NEB: variants seen among roughly 807,000 people sequenced by gnomAD.
The protein encoded by NEB is nemaline myopathy type 2.
NEB carries 512 observed loss-of-function variants against 952.2 expected under a neutral mutation model. The observed-to-expected ratio is 0.54, with a 90% CI of 0.50 to 0.58. NEB has a LOEUF of 0.58. NEB is among the 20% of genes least tolerant of loss of function. The pLI, the probability that NEB is intolerant of heterozygous loss-of-function variation, is 0.00. For synonymous variants in NEB, 2,900 were observed against 3,149.8 expected, an observed-to-expected ratio of 0.92 and a Z score of 2.66; for missense variants, 8,428 against 9,231.1, an observed-to-expected ratio of 0.91 and a Z score of 3.56.
At position 151,553,517 on chromosome 2, in the gene NEB, T is replaced by A. The variant is rs771936194; in HGVS notation, c.19627-15A>T. ...TTGTATACAATCTAGAGGGTTTTGA[T>A]AGAAAGGATCAGAAAAAAAAAATTG... On this transcript the variant is annotated splice_polypyrimidine_tract_variant and intron_variant, in intron 126 of 181. Transcript: ENST00000397345. 1 of 1,569,796 alleles carries A rather than the reference T, an allele frequency of 6.4e-7. No individual in the cohort carries two copies. The highest frequency in any genetic ancestry group is 8.7e-7 in the Non-Finnish European group (1 of 1,146,346).
chr2:151,665,150 ATCTGAGGGG>A (rs2099197967), intron 42 of NEB, among the ~76,000 whole-genome samples, 174 bp downstream of exon 42: 1 of 152,116 alleles, frequency 6.6e-6, no homozygotes, highest in Non-Finnish European at 1.5e-5. Context: ...TTGAGAGATG[ATCTGAGGGG>A]TCACTATGAA....
chr2:151,550,266 CAAAAAAAAAAA>C (rs57057802), intron 129 of NEB, among the ~76,000 whole-genome samples: 1 of 73,368 alleles, frequency 1.4e-5, no homozygotes, highest in Non-Finnish European at 2.5e-5. Context: ...ACCCTGTCTC[CAAAAAAAAAAA>C]AAAAAAAAAA....
intron 12 of NEB, among the ~76,000 whole-genome samples, chr2:151,707,720 A>C (rs1037624458): frequency 6.6e-6 from 1 of 152,188 alleles, no homozygotes; most frequent in African/African-American, 2.4e-5. Context: ...CATGATCCCC[A>C]GTGTAAGCCC....
At chr2:151,578,652 A>G (rs2096972585) in intron 105 of NEB, among the ~76,000 whole-genome samples, 1 of 150,034 alleles carries the variant, frequency 6.7e-6, no homozygotes, top group South Asian at 2.1e-4. Context: ...GGAGGGAAGG[A>G]GGGAAAGAGA....
At chr2:151,619,344 T>C in intron 73 of NEB, 107 bp downstream of exon 73, 1 of 1,204,262 alleles carries the variant, frequency 8.3e-7, no homozygotes, top group East Asian at 2.4e-5. Flanking sequence ...TAATTGTAAA[T>C]TGTTTGAAAT....
rs1576338070 is a variant in NEB at position 151,527,592 on chromosome 2, T to A, written c.21736-7A>T. The A allele has an allele frequency of 1.2e-6, 2 of 1,604,228 alleles. No homozygotes were observed. Reference sequence around the variant, plus strand: ...ACTGTTTCTTATAGTCCAGCTGTTTTTAACAGGAGAGAAAGGAATCACTTG... The same window carrying A: ...ACTGTTTCTTATAGTCCAGCTGTTTATAACAGGAGAGAAAGGAATCACTTG... On this transcript the variant is annotated splice_polypyrimidine_tract_variant and splice_region_variant and intron_variant, in intron 146 of 181. Transcript: ENST00000397345.
rs1482989886 is a variant in NEB, at chr2:151,513,659, T to G, written c.23162A>C (p.Lys7721Thr). The change falls in exon 160 of 182, where the codon AAA becomes ACA. Residue 7721 changes from lysine (K) to threonine (T), a missense_variant. By Grantham distance (78) the Lys-to-Thr change is moderately conservative (BLOSUM62 -1). Around this residue, in one of 11 missense-constraint regions of NEB, gnomAD observed 3,374 missense variants for 3,651.5 expected, o/e 0.92. Coordinates refer to ENST00000397345, the MANE Select transcript of NEB (RefSeq NM_001164508.2). ...EYKRDLELEV[K>T]GRGLNAMANE... ...GGCCATGGCATTCAGGCCTCTTCCT[T>G]TGACTTCCAGTTCCAGGTCTCGCTT... The G allele has an allele frequency of 1.2e-6, 2 of 1,608,590 alleles. No individual in the cohort carries two copies. The highest frequency in any genetic ancestry group is 2.7e-5 in the African/African-American group (2 of 75,042).
rs147856812 is a variant in NEB, at chr2:151,726,280, T to C, written c.295-720A>G. 3.2e-3 allele frequency among the ~76,000 whole-genome samples: 490 copies of C among 152,232 alleles called. 3 individuals are homozygous for C. Among genetic ancestry groups the C allele is most frequent in the African/African-American group, 0.011 (449 of 41,524 alleles). ...ATTAATAAGAATGTATGGCAATATA[T>C]TGACAAAAAATTCTATCCTTGCTGA... On this transcript the variant is annotated intron_variant, in intron 5 of 181. Transcript: ENST00000397345.
At chr2:151,497,386 A>ATTAT (rs2060940974) in intron 171 of NEB, 8 of 980,062 alleles carry the variant, frequency 8.2e-6, no homozygotes, top group Admixed American at 6.2e-5. Context: ...TGAAAAACTC[A>ATTAT]TTATTTTAAA....
In NEB at chr2:151,630,707, G is replaced by A. The variant is rs369038670; in HGVS notation, c.9723+8C>T. On this transcript the variant is annotated splice_region_variant and intron_variant, in intron 67 of 181. Coordinates refer to ENST00000397345, the MANE Select transcript of NEB (RefSeq NM_001164508.2). ...CCACAATATAGCACCACAGATTTTTGCTCCTACCTCACTGTAGTTGATTTT... is the reference window on the plus strand; with the variant it reads ...CCACAATATAGCACCACAGATTTTTACTCCTACCTCACTGTAGTTGATTTT... 1.1e-5 allele frequency: 17 copies of A among 1,587,134 alleles called. No homozygotes were observed. The highest frequency in any genetic ancestry group is 1.5e-5 in the Non-Finnish European group (17 of 1,161,300).
At chr2:151,553,784 T>A (rs2095473145) in intron 126 of NEB, 44 bp downstream of exon 126, 1 of 1,541,572 alleles carries the variant, frequency 6.5e-7, no homozygotes, top group Admixed American at 1.9e-5. Flanking sequence ...GGTGGGGCCG[T>A]GGGGCGGGGC....
In NEB at chr2:151,725,480, G is replaced by C. The variant is rs753284331; in HGVS notation, c.375C>G (p.Ile125Met). 3.7e-6 allele frequency: 6 copies of C among 1,612,314 alleles called. No homozygotes were observed. Among genetic ancestry groups the C allele is most frequent in the African/African-American group, 1.3e-5 (1 of 74,806 alleles). Residue 125 changes from isoleucine to methionine, a missense_variant, in exon 6 of 182, where the codon ATC becomes ATG. Ile to Met is a conservative substitution (Grantham distance 10). Coordinates refer to ENST00000397345, the MANE Select transcript of NEB (RefSeq NM_001164508.2). The part of the protein sequence containing the change: ...STTDTPELRR[I>M]KKVQDQLSEV... ...CACTGAGTTGATCTTGTACTTTTTT[G>C]ATTCTGCGAAGTTCTGGAGTATCTG...
intron 41 of NEB, 84 bp downstream of exon 41, chr2:151,666,006 G>T: frequency 7.4e-7 from 1 of 1,357,930 alleles, no homozygotes; most frequent in Non-Finnish European, 1.0e-6. Context: ...AGTGAGTGCA[G>T]CCAGGTGTGG....
Position 151,607,217 on chromosome 2 carries a change from T to TA in NEB, c.12639+286dup, listed in dbSNP as rs1209512870. 2.9e-5 allele frequency among the ~76,000 whole-genome samples: 3 copies of TA among 103,242 alleles called. 1 individual carries two copies. Among genetic ancestry groups the TA allele is most frequent in the Non-Finnish European group, 5.1e-5 (2 of 39,294 alleles). 67.7% of individuals were successfully genotyped at this position (103,242 alleles called of 152,430 possible). On this transcript the variant is annotated intron_variant, in intron 83 of 181. Coordinates refer to ENST00000397345, the MANE Select transcript of NEB (RefSeq NM_001164508.2). ...TCAAATGAAAAAGTCCTGGATCAAT[T>TA]AAAAAAACCTAAGATGATAACAGAG... is the stretch of plus-strand genomic sequence containing the variant.
intron 110 of NEB, 34 bp downstream of exon 110, chr2:151,569,234 A>G: frequency 6.5e-7 from 1 of 1,550,014 alleles, no homozygotes; most frequent in Non-Finnish European, 8.9e-7. Context: ...TTCTTGGGAA[A>G]TGTACTGAAT....
In NEB at chr2:151,665,338, C is replaced by A; in HGVS notation, c.5233G>T (p.Asp1745Tyr). The change falls in exon 42 of 182, where the codon GAC (aspartate) becomes TAC (tyrosine). Residue 1745 changes from aspartate (D) to tyrosine (Y), a missense_variant. By Grantham distance (160) the Asp-to-Tyr change is radical (BLOSUM62 -3). Transcript: ENST00000397345. Reference protein sequence around the residue: ...ALNKSNKLNMDKRLYTEKWNK... With the variant: ...ALNKSNKLNMYKRLYTEKWNK... ...GCTGGCAGGTGAGTCCTTACCTTGT[C>A]CATGTTCAGTTTGTTACTCTTGTTA... The A allele has an allele frequency of 6.2e-7, 1 of 1,613,514 alleles. No individual in the cohort carries two copies. The highest frequency in any genetic ancestry group is 1.1e-5 in the South Asian group (1 of 90,992).
intron 63 of NEB, among the ~76,000 whole-genome samples, chr2:151,638,134 C>T (rs571768496): frequency 3.3e-5 from 5 of 152,282 alleles, no homozygotes; most frequent in Admixed American, 1.3e-4. Flanking sequence ...AATTACCAAA[C>T]GCATAAATGC....
Position 151,724,277 on chromosome 2 carries a change from T to C in NEB, c.595A>G (p.Thr199Ala), listed in dbSNP as rs199920828. 3.1e-6 allele frequency: 5 copies of C among 1,612,498 alleles called. No homozygotes were observed. Among genetic ancestry groups the C allele is most frequent in the East Asian group, 2.2e-5 (1 of 44,864 alleles). Residue 199 changes from threonine (T) to alanine (A), a missense_variant, in exon 8 of 182, where the codon ACC becomes GCC. Coordinates refer to ENST00000397345, the MANE Select transcript of NEB (RefSeq NM_001164508.2). Reference protein sequence around the residue: ...APELVQAVKNTAMFSKKLYTE... With the variant: ...APELVQAVKNAAMFSKKLYTE... Reference sequence around the variant, plus strand: ...ACCCTTACCTTGCTGAACATGGCGGTGTTCTTAACGGCCTGGACAAGTTCA... The same window carrying C: ...ACCCTTACCTTGCTGAACATGGCGGCGTTCTTAACGGCCTGGACAAGTTCA...
intron 161 of NEB, among the ~76,000 whole-genome samples, chr2:151,511,322 T>A (rs1400736849): frequency 6.6e-6 from 1 of 152,240 alleles, no homozygotes; most frequent in Non-Finnish European, 1.5e-5. Context: ...CATTTGAATA[T>A]ACCTGCTTCC....
Sources: allele counts gnomAD v4.1 joint callset (sites outside exome capture counted in the v4.1 genomes callset), GRCh38; gene constraint gnomAD v4.1.1; regional missense constraint gnomAD v4.1.1; transcripts MANE v1.5; gene names NCBI Gene and HGNC (gene_info 2026-07-23, HGNC 2026-07-21).